The following FAM83A variants were observed in gnomAD, a reference collection of about 807,000 sequenced individuals.
FAM83A encodes protein FAM83A.
A neutral mutation model predicts 24.4 loss-of-function variants in FAM83A; 21 were observed. The ratio of observed to expected loss-of-function variants is 0.86; its 90% CI spans 0.61 to 1.24. FAM83A has a LOEUF of 1.24. Ranked by LOEUF, FAM83A falls within the 50% of genes most tolerant of loss-of-function variation. The pLI is 0.00. For synonymous variants in FAM83A, 270 were observed against 252.4 expected (o/e 1.07, Z -0.66); for missense variants, 617 against 579.8 (o/e 1.06, Z -0.66).
intron 1 of FAM83A, among the ~76,000 whole-genome samples, chr8:123,188,055 A>T (rs1169990205): frequency 6.9e-6 from 1 of 145,586 alleles, no homozygotes; most frequent in East Asian, 2.0e-4. Flanking sequence ...TTTTTTTTTT[A>T]GTAGAGATGG....
chr8:123,186,832 C>CA (rs1294061178), intron 1 of FAM83A, among the ~76,000 whole-genome samples: 2 of 152,030 alleles, frequency 1.3e-5, no homozygotes, highest in African/African-American at 4.8e-5. Flanking sequence ...TACTCTGTCT[C>CA]AAAAAAACAC....
chr8:123,199,527 G>A (rs1824276182), intron 3 of FAM83A, among the ~76,000 whole-genome samples: 1 of 152,188 alleles, frequency 6.6e-6, no homozygotes, highest in Admixed American at 6.5e-5. Flanking sequence ...CTGAGGTCAG[G>A]AGTTCGAGAC....
At chr8:123,203,586 C>CAAAAAAAAAAAAAAAAAAAAAAGAAAAAA (rs1824437951) in intron 3 of FAM83A, among the ~76,000 whole-genome samples, 1 of 41,174 alleles carries the variant, frequency 2.4e-5, no homozygotes, top group Non-Finnish European at 5.8e-5. Context: ...AGATCTGTCT[C>CAAAAAAAAAAAAAAAAAAAAAAGAAAAAA]AAAAAAAAAA....
chr8:123,186,109 C>T (rs1339402139), intron 1 of FAM83A, among the ~76,000 whole-genome samples: 2 of 152,100 alleles, frequency 1.3e-5, no homozygotes, highest in Non-Finnish European at 2.9e-5. Context: ...TCTAATATGG[C>T]AAACATAAAT....
At chr8:123,207,604 G>A (rs1342719613) in exon 4 of FAM83A, 2 of 1,565,882 alleles carry the variant, frequency 1.3e-6, no homozygotes. Flanking sequence ...ACAGGCCCAC[G>A]CGGCTGCAGC....
In FAM83A at chr8:123,207,290, CG is replaced by C; in HGVS notation, c.909del (p.Leu304TrpfsTer117). On this transcript the variant is annotated frameshift_variant, in exon 4 of 4. Coordinates refer to ENST00000690554, the Ensembl canonical transcript of FAM83A. LOFTEE classifies it low-confidence loss of function (END_TRUNC). ...GCCTGTGATGGGCCTGAAGTCCCCG[CG>C]GCTGGTCGCCCCCGTCCCGCCCGGA... 6.2e-7 allele frequency: 1 copy of C among 1,612,516 alleles called. No homozygotes were observed.
At chr8:123,182,996 C>T in exon 1 of FAM83A, 1 of 1,612,354 alleles carries the variant, frequency 6.2e-7, no homozygotes, top group South Asian at 1.1e-5. Context: ...GATGGGGGTT[C>T]TGAAGCCTAC....
At chr8:123,189,232 G>A (rs984250083) in intron 1 of FAM83A, among the ~76,000 whole-genome samples, 1 of 152,122 alleles carries the variant, frequency 6.6e-6, no homozygotes, top group Non-Finnish European at 1.5e-5. Flanking sequence ...CATCTTTTCC[G>A]ATTTCCTGCC....
chr8:123,204,424 T>C (rs963442840), intron 3 of FAM83A, among the ~76,000 whole-genome samples: 28 of 152,068 alleles, frequency 1.8e-4, no homozygotes, highest in Admixed American at 1.8e-3. Flanking sequence ...GAGCCAAAGA[T>C]GATTAAGTGA....
In FAM83A at chr8:123,183,342, G is replaced by C. The variant is rs186735416; in HGVS notation, c.480+6G>C. On this transcript the variant is annotated splice_donor_region_variant and intron_variant, in intron 1 of 3. Transcript: ENST00000690554. ...GCATCACCCGGACTAGCCAGGTACC[G>C]ATGGCAAAGCCCCTGTCTCCGTGGC... The C allele has an allele frequency of 1.1e-3, 1,715 of 1,604,776 alleles. 14 individuals carry two copies. In the African/African-American group the frequency reaches 0.018, roughly 17 times the overall value.
At chr8:123,188,095 G>T (rs1306703978) in intron 1 of FAM83A, among the ~76,000 whole-genome samples, 3 of 151,290 alleles carry the variant, frequency 2.0e-5, no homozygotes, top group Non-Finnish European at 4.4e-5. Context: ...GGCTGGTCTC[G>T]AACTCCTGAC....
intron 3 of FAM83A, among the ~76,000 whole-genome samples, chr8:123,204,223 G>A (rs1348243477): frequency 4.6e-5 from 7 of 151,872 alleles, no homozygotes; most frequent in African/African-American, 1.7e-4. Context: ...GACCAGTCTG[G>A]GCAACATAGC....
chr8:123,206,752 T>G lies in FAM83A; in HGVS notation c.774-405T>G, dbSNP rs151213844. ...CGTCTGTAAGAGAGGTGTCGCAATG[T>G]CTCTCTCTCAGGGTTTCTGCCAGGA... On this transcript the variant is annotated intron_variant, in intron 3 of 3. Coordinates refer to ENST00000690554, the Ensembl canonical transcript of FAM83A. Among the ~76,000 whole-genome samples, 625 of 152,178 alleles carry G rather than the reference T, an allele frequency of 4.1e-3. 4 individuals carry two copies. The highest frequency in any genetic ancestry group is 0.014 in the African/African-American group (591 of 41,534).
At chr8:123,183,709 CAG>C (rs1464804433) in intron 1 of FAM83A, among the ~76,000 whole-genome samples, 1 of 134,018 alleles carries the variant, frequency 7.5e-6, no homozygotes, top group African/African-American at 2.8e-5. Flanking sequence ...TTTTTTGAGA[CAG>C]AGTCTTGCTC....
chr8:123,183,040 T>C, exon 1 of FAM83A: 1 of 1,611,528 alleles, frequency 6.2e-7, no homozygotes, highest in Non-Finnish European at 8.5e-7. Flanking sequence ...CGAGGTGGAC[T>C]TCTTGTCCTC....
exon 4 of FAM83A, chr8:123,207,485 C>A: frequency 6.3e-7 from 1 of 1,583,400 alleles, no homozygotes; most frequent in Non-Finnish European, 8.6e-7. Context: ...TCCACCGCCC[C>A]GGTTCCAGCC....
intron 3 of FAM83A, among the ~76,000 whole-genome samples, chr8:123,205,701 T>C (rs891335715): frequency 1.3e-5 from 2 of 151,992 alleles, no homozygotes; most frequent in Admixed American, 6.6e-5. Context: ...CCTCTCCCTC[T>C]TGCTTCAAGT....
intron 3 of FAM83A, chr8:123,201,456 T>C (rs1427352229): frequency 6.6e-6 from 1 of 152,248 alleles, no homozygotes; most frequent in Non-Finnish European, 1.5e-5. Flanking sequence ...AGCCAGCTCC[T>C]GGAGGGAGAA....
At chr8:123,196,061 G>T (rs1686383987) in intron 3 of FAM83A, among the ~76,000 whole-genome samples, 1 of 152,210 alleles carries the variant, frequency 6.6e-6, no homozygotes, top group African/African-American at 2.4e-5. Context: ...ACCCAGGCTG[G>T]AGTGCAGTGG....
Sources: gnomAD v4.1 joint callset for allele counts (sites outside exome capture counted in the v4.1 genomes callset) on GRCh38, gnomAD v4.1.1 for gene constraint, MANE v1.5 for transcripts, NCBI Gene and HGNC (gene_info 2026-07-23, HGNC 2026-07-21) for gene names.